The following PCDH15 variants were observed in gnomAD, a reference collection of about 807,000 sequenced individuals.
PCDH15 encodes protocadherin related 15.
Under a neutral mutation model 178.5 loss-of-function variants are expected in PCDH15, and 129 were observed. The ratio of observed to expected loss-of-function variants is 0.72; its 90% CI spans 0.63 to 0.84. PCDH15 has a LOEUF of 0.84. Among genes scored for constraint, PCDH15 ranks in the 40% least tolerant of loss-of-function variants. PCDH15 has a pLI of 0.00. For synonymous variants in PCDH15, 800 were observed against 732.0 expected (o/e 1.09, Z -1.50); for missense variants, 2,230 against 2,099.9 (o/e 1.06, Z -1.21).
At chr10:55,570,142 CTCTT>C (rs1364790768) in intron 2 of PCDH15, among the ~76,000 whole-genome samples, 1 of 151,866 alleles carries the variant, frequency 6.6e-6, no homozygotes, top group Non-Finnish European at 1.5e-5. Context: ...TAAATAGCTT[CTCTT>C]TGTTTCTTAA....
intron 2 of PCDH15, among the ~76,000 whole-genome samples, chr10:55,024,810 T>A (rs1408046249): frequency 6.6e-6 from 1 of 152,124 alleles, no homozygotes; most frequent in African/African-American, 2.4e-5. Context: ...TGCCACTGGG[T>A]TTGCTTTATT....
chr10:54,433,478 A>G (rs1350400433), intron 3 of PCDH15, among the ~76,000 whole-genome samples: 1 of 152,192 alleles, frequency 6.6e-6, no homozygotes. Context: ...CAAGCATAAC[A>G]TGTTCTCACT....
chr10:54,656,816 A>C (rs1292087919), intron 2 of PCDH15, among the ~76,000 whole-genome samples: 1 of 152,118 alleles, frequency 6.6e-6, no homozygotes, highest in African/African-American at 2.4e-5. Context: ...CACTGAAGGG[A>C]GTGGCACCGG....
At chr10:55,389,201 C>T (rs963604862) in intron 2 of PCDH15, among the ~76,000 whole-genome samples, 1 of 151,744 alleles carries the variant, frequency 6.6e-6, no homozygotes, top group Non-Finnish European at 1.5e-5. Context: ...TGAGGAGAGT[C>T]GAAGAAATGT....
At chr10:54,207,313 A>G (rs2134038879) in intron 10 of PCDH15, among the ~76,000 whole-genome samples, 1 of 152,182 alleles carries the variant, frequency 6.6e-6, no homozygotes, top group African/African-American at 2.4e-5. Context: ...AACCAGTGGA[A>G]AATAAAAACA....
chr10:53,843,158 T>G (rs1438841167), intron 28 of PCDH15, among the ~76,000 whole-genome samples: 1 of 152,186 alleles, frequency 6.6e-6, no homozygotes, highest in Admixed American at 6.5e-5. Context: ...GTCTTCACTT[T>G]GAGCATTTTT....
intron 3 of PCDH15, among the ~76,000 whole-genome samples, chr10:54,419,072 A>C (rs1055606528): frequency 1.1e-4 from 16 of 152,014 alleles, no homozygotes; most frequent in African/African-American, 3.9e-4. Flanking sequence ...AGAAAAGGTC[A>C]ATACAACTGA....
At chr10:55,199,466 T>A (rs1208360995) in intron 1 of PCDH15, among the ~76,000 whole-genome samples, 1 of 151,750 alleles carries the variant, frequency 6.6e-6, no homozygotes, top group African/African-American at 2.4e-5. Context: ...AAAAACAACT[T>A]ATATTTAAAA....
chr10:53,809,237 C>T (rs769398949), intron 37 of PCDH15: 15 of 1,613,784 alleles, frequency 9.3e-6, no homozygotes, highest in Admixed American at 1.7e-5. Context: ...TCAGTATAGT[C>T]GCTGGAGGAT....
chr10:55,174,118 C>G (rs554074956), intron 1 of PCDH15, among the ~76,000 whole-genome samples: 1 of 152,214 alleles, frequency 6.6e-6, no homozygotes, highest in African/African-American at 2.4e-5. Context: ...TTCTTCATTA[C>G]CATGACATGA....
intron 1 of PCDH15, among the ~76,000 whole-genome samples, chr10:54,703,815 G>T (rs1187753619): frequency 6.6e-6 from 1 of 151,910 alleles, no homozygotes; most frequent in Non-Finnish European, 1.5e-5. Flanking sequence ...CAATTTAAAA[G>T]AACAAAGCTG....
At chr10:55,166,540 G>C (rs1296916405) in intron 2 of PCDH15, 5 of 152,090 alleles carry the variant, frequency 3.3e-5, no homozygotes, top group Non-Finnish European at 7.4e-5. Context: ...CAAAGGAGAA[G>C]GAAAAAATTA....
At chr10:54,952,799 G>A (rs191210479) in intron 2 of PCDH15, among the ~76,000 whole-genome samples, 14 of 151,228 alleles carry the variant, frequency 9.3e-5, no homozygotes, top group Admixed American at 6.0e-4. Flanking sequence ...CTAATTTTTC[G>A]TTACTGGCAC....
At chr10:54,975,543 A>G (rs1345629926) in intron 2 of PCDH15, among the ~76,000 whole-genome samples, 2 of 152,162 alleles carry the variant, frequency 1.3e-5, no homozygotes, top group Non-Finnish European at 2.9e-5. Flanking sequence ...AGTAACAACT[A>G]ACAGACAAGG....
At chr10:55,559,526 A>G (rs944205823) in intron 2 of PCDH15, among the ~76,000 whole-genome samples, 2 of 152,016 alleles carry the variant, frequency 1.3e-5, no homozygotes, top group Non-Finnish European at 2.9e-5. Flanking sequence ...GATGTCATGG[A>G]GAATAGTATC....
At chr10:54,375,268 T>C (rs1948227117) in intron 4 of PCDH15, among the ~76,000 whole-genome samples, 1 of 152,040 alleles carries the variant, frequency 6.6e-6, no homozygotes, top group Non-Finnish European at 1.5e-5. Context: ...TGGCATGGCA[T>C]GAACACAGAA....
Position 54,990,918 on chromosome 10 carries a change from G to C in PCDH15, c.-79-93418C>G, listed in dbSNP as rs192089891. ...GAACATTAACTAGTTCCAGTTGCCT[G>C]CTCCAAACTATTATGGCAATTCAAA... On this transcript the variant is annotated intron_variant, in intron 2 of 5. Transcript: ENST00000458638. Among the ~76,000 whole-genome samples, 1,229 of 151,854 alleles carry C rather than the reference G, an allele frequency of 8.1e-3. 16 individuals are homozygous for C. Among genetic ancestry groups the C allele is most frequent in the African/African-American group, 0.028 (1,174 of 41,428 alleles).
At chr10:55,351,112 T>C (rs976404156) in intron 2 of PCDH15, among the ~76,000 whole-genome samples, 4 of 145,506 alleles carry the variant, frequency 2.7e-5, no homozygotes, top group African/African-American at 5.0e-5. Flanking sequence ...CTTCTTCTTC[T>C]GCCATGTGTT....
intron 13 of PCDH15, among the ~76,000 whole-genome samples, chr10:54,182,131 T>A (rs76775474): frequency 0.14 from 21,743 of 152,080 alleles, 3,617 homozygotes; most frequent in African/African-American, 0.4. Flanking sequence ...CTAATTTTTT[T>A]AAAAATTTTT....
Sources: allele counts gnomAD v4.1 joint callset (sites outside exome capture counted in the v4.1 genomes callset), GRCh38; gene constraint gnomAD v4.1.1; transcripts MANE v1.5; gene names NCBI Gene and HGNC (gene_info 2026-07-23, HGNC 2026-07-21).